The following LARGE1 variants were observed in gnomAD, a reference collection of about 807,000 sequenced individuals.
The protein encoded by LARGE1 is xylosyl- and glucuronyltransferase LARGE1.
LARGE1 carries 43 observed loss-of-function variants against 87.6 expected under a neutral mutation model. The observed-to-expected ratio is 0.49, with a 90% confidence interval of 0.38 to 0.63. The LOEUF (loss-of-function observed/expected upper bound fraction) is 0.63. LARGE1 is among the 30% of genes least tolerant of loss of function. LARGE1 has a pLI of 0.00. For missense variants in LARGE1, 802 were observed against 1,000.2 expected (o/e 0.80, Z 2.67); for synonymous variants, 434 against 394.6 (o/e 1.10, Z -1.18).
intron 5 of LARGE1, among the ~76,000 whole-genome samples, chr22:33,596,390 G>A (rs2148942570): frequency 6.6e-6 from 1 of 152,292 alleles, no homozygotes; most frequent in Admixed American, 6.5e-5. Flanking sequence ...GTGTGAGACA[G>A]AAAAGCCCAT....
At chr22:33,812,648 T>C (rs1259446320) in intron 1 of LARGE1, among the ~76,000 whole-genome samples, 1 of 152,228 alleles carries the variant, frequency 6.6e-6, no homozygotes, top group Non-Finnish European at 1.5e-5. Flanking sequence ...TCAGTCCCTC[T>C]GCAATGATCC....
chr22:33,862,711 G>A (rs1028188048), intron 1 of LARGE1, among the ~76,000 whole-genome samples: 1 of 152,200 alleles, frequency 6.6e-6, no homozygotes, highest in Non-Finnish European at 1.5e-5. Context: ...CCACCATGAC[G>A]TTCGTTTGTG....
chr22:33,244,741 A>G (rs959042106), intron 11 of LARGE1, among the ~76,000 whole-genome samples: 2 of 152,134 alleles, frequency 1.3e-5, no homozygotes, highest in Non-Finnish European at 2.9e-5. Context: ...CTAAAATCTG[A>G]TCCATTCATG....
chr22:33,085,168 C>G, the LARGE1 span, among the ~76,000 whole-genome samples: 6 of 152,094 alleles, frequency 3.9e-5, no homozygotes, highest in African/African-American at 1.4e-4. Flanking sequence ...CCCAGCTGCT[C>G]GGGAGGCTGA....
chr22:33,835,861 GA>G (rs894353271), intron 1 of LARGE1, among the ~76,000 whole-genome samples: 1 of 152,160 alleles, frequency 6.6e-6, no homozygotes, highest in African/African-American at 2.4e-5. Flanking sequence ...TGCTAATCAG[GA>G]AAAAGATCCA....
intron 11 of LARGE1, among the ~76,000 whole-genome samples, chr22:33,312,835 T>C (rs1471227927): frequency 6.6e-6 from 1 of 152,230 alleles, no homozygotes; most frequent in Admixed American, 6.5e-5. Flanking sequence ...GTATTCCATT[T>C]TCTTTTTACT....
intron 6 of LARGE1, among the ~76,000 whole-genome samples, chr22:33,556,551 G>A (rs1423238961): frequency 3.1e-5 from 3 of 95,698 alleles, no homozygotes; most frequent in East Asian, 2.5e-4. Context: ...AGGGAGGGAG[G>A]GAGGGAGGGA....
chr22:33,877,294 C>T (rs764751340), intron 1 of LARGE1, among the ~76,000 whole-genome samples: 7 of 152,064 alleles, frequency 4.6e-5, no homozygotes, highest in Non-Finnish European at 2.9e-5. Flanking sequence ...AACCCTGTTG[C>T]GAGGTTCAGT....
At chr22:33,131,797 C>CAACCTTCATA in the LARGE1 span, among the ~76,000 whole-genome samples, 1 of 151,212 alleles carries the variant, frequency 6.6e-6, no homozygotes, top group Non-Finnish European at 1.5e-5. Context: ...CAAACCGTAT[C>CAACCTTCATA]ACCTCTGTAT....
At chr22:33,221,169 AAG>A (rs112355451) in intron 11 of LARGE1, among the ~76,000 whole-genome samples, 25 of 148,704 alleles carry the variant, frequency 1.7e-4, no homozygotes, top group Non-Finnish European at 2.1e-4. Context: ...CGTTGTTAAA[AAG>A]AGAGAGAGAG....
chr22:33,783,395 T>C (rs1348204988), intron 1 of LARGE1, among the ~76,000 whole-genome samples: 1 of 152,078 alleles, frequency 6.6e-6, no homozygotes, highest in African/African-American at 2.4e-5. Flanking sequence ...CAAAACCCCA[T>C]CTCTACTAAA....
Position 33,582,027 on chromosome 22 carries a change from C to T in LARGE1, c.616-17008G>A, listed in dbSNP as rs182394621. ...CTTCACAGTCAGCACCTGCCTAGAG[C>T]GTGGGGTCACCCCAATTGTGTCAGT... On this transcript the variant is annotated intron_variant, in intron 5 of 14. Transcript: ENST00000397394. Among the ~76,000 whole-genome samples, 575 of 152,282 alleles carry T rather than the reference C, an allele frequency of 3.8e-3. 3 individuals are homozygous for T. Among genetic ancestry groups the T allele is most frequent in the African/African-American group, 0.013 (550 of 41,560 alleles).
upstream of LARGE1, among the ~76,000 whole-genome samples, chr22:33,921,007 A>ACTGTGTGT (rs1281515559): frequency 6.7e-6 from 1 of 149,452 alleles, no homozygotes; most frequent in Non-Finnish European, 1.5e-5. This position sits in a 1 kb window ranked among gnomAD's most constrained non-coding sequence, Gnocchi z 4.1. Context: ...AGCTGCAGTG[A>ACTGTGTGT]CTGTGTGTCT....
chr22:33,439,739 G>T (rs1281707533), intron 6 of LARGE1, among the ~76,000 whole-genome samples: 1 of 152,044 alleles, frequency 6.6e-6, no homozygotes, highest in Non-Finnish European at 1.5e-5. Flanking sequence ...TAGGTGATTT[G>T]GCTGTTCCAC....
At chr22:33,316,366 G>C in intron 10 of LARGE1, 118 bp from the exon 11 acceptor site, 1 of 884,814 alleles carries the variant, frequency 1.1e-6, no homozygotes, top group South Asian at 1.5e-5. Flanking sequence ...GTTGTTGATG[G>C]GTCTGACGTA....
intron 6 of LARGE1, among the ~76,000 whole-genome samples, chr22:33,525,506 G>A (rs1031894200): frequency 6.6e-6 from 1 of 152,152 alleles, no homozygotes; most frequent in African/African-American, 2.4e-5. Flanking sequence ...AAAAACAAAT[G>A]CAAGTGATAT....
intron 2 of LARGE1, among the ~76,000 whole-genome samples, chr22:33,682,765 CACTGTG>C (rs1311345099): frequency 1.3e-5 from 2 of 152,266 alleles, no homozygotes; most frequent in South Asian, 2.1e-4. Context: ...GTATATGACC[CACTGTG>C]AGCCAGGCAC....
intron 6 of LARGE1, among the ~76,000 whole-genome samples, chr22:33,542,339 C>A (rs2077237023): frequency 6.6e-6 from 1 of 151,886 alleles, no homozygotes; most frequent in South Asian, 2.1e-4. Context: ...CTCATGGGAA[C>A]CCTGTTTGGG....
chr22:33,817,490 T>A (rs990681889), intron 1 of LARGE1, among the ~76,000 whole-genome samples: 1 of 152,090 alleles, frequency 6.6e-6, no homozygotes, highest in Non-Finnish European at 1.5e-5. Context: ...CCCCACAACC[T>A]TCATGGCTGC....
Sources: gnomAD v4.1 joint callset for allele counts (sites outside exome capture counted in the v4.1 genomes callset) on GRCh38, gnomAD v4.1.1 for gene constraint, Gnocchi (gnomAD v3.1) non-coding constraint, MANE v1.5 for transcripts, NCBI Gene and HGNC (gene_info 2026-07-23, HGNC 2026-07-21) for gene names.